PDGFD: variants seen among roughly 807,000 people sequenced by gnomAD.
PDGFD encodes the protein platelet derived growth factor D.
In PDGFD, 30 loss-of-function variants were observed where a neutral mutation model predicts 44.7. The ratio of observed to expected loss-of-function variants is 0.67; its 90% CI spans 0.50 to 0.91. The LOEUF is 0.91. Among genes scored for constraint, PDGFD ranks in the 40% least tolerant of loss-of-function variants. The pLI is 0.00. For synonymous variants in PDGFD, 173 were observed against 168.4 expected, an observed-to-expected ratio of 1.03 and a Z score of -0.21; for missense variants, 445 against 457.8, an observed-to-expected ratio of 0.97 and a Z score of 0.25.
intron 1 of PDGFD, among the ~76,000 whole-genome samples, chr11:104,077,426 G>C (rs1459554588): frequency 1.3e-5 from 2 of 152,178 alleles, no homozygotes; most frequent in East Asian, 1.9e-4. Flanking sequence ...ACATTGGCTT[G>C]GGCAACTGGT....
intron 3 of PDGFD, among the ~76,000 whole-genome samples, chr11:103,958,467 A>T (rs543802097): frequency 5.1e-4 from 77 of 152,320 alleles, no homozygotes; most frequent in Non-Finnish European, 9.7e-4. Context: ...AGCTAATCTT[A>T]AAGATTGTTT....
At chr11:104,035,706 A>C in intron 1 of PDGFD, among the ~76,000 whole-genome samples, 1 of 151,868 alleles carries the variant, frequency 6.6e-6, no homozygotes, top group South Asian at 2.1e-4. Context: ...AAAGTCATGT[A>C]CAATTTTTTT....
Position 103,943,477 on chromosome 11 carries a change from C to T in PDGFD, c.747G>A (p.Arg249=). The change falls in exon 5 of 7, where the codon AGG becomes AGA. Residue 249 remains arginine, a synonymous_variant. Coordinates refer to ENST00000393158, the MANE Select transcript of PDGFD (RefSeq NM_025208.5). ...CTTTTGACTTCCGGTCATGGTATGA[C>T]CTGCCTCGATACCGAGGGGTGTCCA... ...MYLDTPRYRG[R]SYHDRKSKVD... is the part of the protein sequence containing the mutation. 6.2e-7 allele frequency: 1 copy of T among 1,612,658 alleles called. No individual in the cohort carries two copies. The highest frequency in any genetic ancestry group is 1.3e-5 in the African/African-American group (1 of 74,984).
intron 1 of PDGFD, among the ~76,000 whole-genome samples, chr11:104,048,406 A>G (rs1387232031): frequency 6.6e-6 from 1 of 151,886 alleles, no homozygotes; most frequent in Non-Finnish European, 1.5e-5. Context: ...TCTTTCTTGA[A>G]TGAACAAAGC....
chr11:104,119,512 AT>A (rs1192704701), intron 1 of PDGFD, among the ~76,000 whole-genome samples: 1 of 42,008 alleles, frequency 2.4e-5, no homozygotes, highest in Non-Finnish European at 4.0e-5. Flanking sequence ...TATATAATAT[AT>A]TAATATAATA....
intron 5 of PDGFD, among the ~76,000 whole-genome samples, chr11:103,935,582 G>A (rs1858476350): frequency 6.6e-6 from 1 of 152,148 alleles, no homozygotes; most frequent in African/African-American, 2.4e-5. Flanking sequence ...CTTTTAATGA[G>A]TACACTGATT....
chr11:104,103,462 G>GTGTGTGTGTA (rs1041388346), intron 1 of PDGFD, among the ~76,000 whole-genome samples: 11 of 133,264 alleles, frequency 8.3e-5, no homozygotes, highest in Middle Eastern at 4.3e-3. Context: ...GTGTGTGTGT[G>GTGTGTGTGTA]TATATATATA....
chr11:104,112,964 C>T (rs1048864949), intron 1 of PDGFD, among the ~76,000 whole-genome samples: 1 of 151,992 alleles, frequency 6.6e-6, no homozygotes, highest in Non-Finnish European at 1.5e-5. Context: ...ATAATCTGTA[C>T]AGCAAACCTC....
rs2134295148 is a variant in PDGFD, at chr11:103,908,347, A to G, written c.*1347T>C. On this transcript the variant is annotated 3_prime_UTR_variant, in exon 7 of 7. Transcript: ENST00000393158. ...TCTAAATACCATTAACCAATGTAAA[A>G]CAGTTTTCTATTAAACAGTAGGACA... 6.6e-6 allele frequency: 1 copy of G among 152,192 alleles called. No individual in the cohort carries two copies. Among genetic ancestry groups the G allele is most frequent in the African/African-American group, 2.4e-5 (1 of 41,454 alleles). The allele number at this position is 152,192 out of a possible 1,614,324, so 9.4% of individuals were successfully genotyped here. A position where few individuals can be genotyped will look rare whatever the true frequency, so the allele number is the denominator to read the frequency against.
chr11:104,001,140 G>T (rs1009840035), intron 1 of PDGFD, among the ~76,000 whole-genome samples: 2 of 152,184 alleles, frequency 1.3e-5, no homozygotes, highest in Non-Finnish European at 2.9e-5. Flanking sequence ...AACCTCTGGG[G>T]ATGAAAGACG....
chr11:104,136,182 T>A (rs146927609), intron 1 of PDGFD, among the ~76,000 whole-genome samples: 9 of 152,154 alleles, frequency 5.9e-5, no homozygotes, highest in African/African-American at 2.2e-4. Context: ...GGAAAAGACA[T>A]AATATTGTGT....
At chr11:104,117,006 G>A (rs1373218078) in intron 1 of PDGFD, among the ~76,000 whole-genome samples, 1 of 151,848 alleles carries the variant, frequency 6.6e-6, no homozygotes, top group Non-Finnish European at 1.5e-5. Flanking sequence ...TTAGCAGTGT[G>A]CAAACGGACC....
chr11:104,090,439 G>A (rs1861195755), intron 1 of PDGFD, among the ~76,000 whole-genome samples: 1 of 150,014 alleles, frequency 6.7e-6, no homozygotes, highest in Non-Finnish European at 1.5e-5. Context: ...GACCAACACA[G>A]TGATACCCTG....
chr11:103,969,971 T>G (rs1055953723), intron 3 of PDGFD, among the ~76,000 whole-genome samples: 5 of 152,186 alleles, frequency 3.3e-5, no homozygotes, highest in Admixed American at 1.3e-4. Context: ...TAGATCTCCA[T>G]GCCTAATCAA....
intron 5 of PDGFD, among the ~76,000 whole-genome samples, chr11:103,934,220 A>C (rs1362795290): frequency 1.3e-5 from 2 of 152,204 alleles, no homozygotes; most frequent in Non-Finnish European, 2.9e-5. Flanking sequence ...GAACTTGTTA[A>C]GATTAAATGA....
At chr11:104,003,084 TC>T (rs1859644824) in intron 1 of PDGFD, among the ~76,000 whole-genome samples, 1 of 152,224 alleles carries the variant, frequency 6.6e-6, no homozygotes, top group Non-Finnish European at 1.5e-5. Flanking sequence ...AAAGAATGGT[TC>T]TTGTCTTCGT....
intron 1 of PDGFD, among the ~76,000 whole-genome samples, chr11:104,130,731 CAG>C (rs1321129652): frequency 3.3e-5 from 5 of 152,162 alleles, no homozygotes; most frequent in African/African-American, 1.2e-4. Flanking sequence ...CCAACATCCT[CAG>C]AGAGACCTTC....
rs573028434 is a variant in PDGFD at position 104,061,597 on chromosome 11, T to C, written c.125-61342A>G. Reference sequence around the variant, plus strand: ...TGATACATTGCAAATTCAGTGTTTTTCTTTCTGTTTTTTGTTTGTTTTCTG... The same window carrying C: ...TGATACATTGCAAATTCAGTGTTTTCCTTTCTGTTTTTTGTTTGTTTTCTG... On this transcript the variant is annotated intron_variant, in intron 1 of 6. Transcript: ENST00000393158. Among the ~76,000 whole-genome samples the C allele has an allele frequency of 3.9e-4, 59 of 152,314 alleles. No individual in the cohort carries two copies. The South Asian group carries it at 0.011, about 28-fold the overall frequency.
intron 3 of PDGFD, among the ~76,000 whole-genome samples, chr11:103,961,419 A>C (rs1327879679): frequency 1.3e-5 from 2 of 152,158 alleles, no homozygotes; most frequent in African/African-American, 2.4e-5. Context: ...AGGCTGGAGG[A>C]AGGTCTCAGA....
Sources: allele counts gnomAD v4.1 joint callset (sites outside exome capture counted in the v4.1 genomes callset), GRCh38; gene constraint gnomAD v4.1.1; transcripts MANE v1.5; gene names NCBI Gene and HGNC (gene_info 2026-07-23, HGNC 2026-07-21).